Variants in DPYD observed in about 807,000 individuals in gnomAD.
DPYD encodes the protein dihydropyrimidine dehydrogenase.
DPYD carries 109 observed loss-of-function variants against 116.2 expected under a neutral mutation model. That is an observed-to-expected ratio of 0.94 (90% CI 0.80 to 1.10). DPYD has a LOEUF of 1.10. DPYD is among the 50% of genes least tolerant of loss of function. The pLI is 0.00. For synonymous variants in DPYD, 440 were observed against 432.0 expected, an observed-to-expected ratio of 1.02 and a Z score of -0.23; for missense variants, 1,302 against 1,254.5, an observed-to-expected ratio of 1.04 and a Z score of -0.57.
At chr1:97,502,924 C>G (rs2811185) in intron 13 of DPYD, among the ~76,000 whole-genome samples, 27,274 of 151,854 alleles carry the variant, frequency 0.18, 2,621 homozygotes, top group East Asian at 0.26. Context: ...TTTTGTAATT[C>G]AACATGTGGA....
rs1175569999 is a variant in DPYD, at chr1:97,323,373, T to TATGTGTATATGTACACGTATATATACAA, written c.2059-17077_2059-17076insTTGTATATATACGTGTACATATACACAT. On this transcript the variant is annotated intron_variant, in intron 16 of 22. Coordinates refer to ENST00000370192, the MANE Select transcript of DPYD (RefSeq NM_000110.4). ...GTGTATATGTACACGTATGTATACA[T>TATGTGTATATGTACACGTATATATACAA]GTGTATATGTACACGTATGTATACA... Among the ~76,000 whole-genome samples, 34 of 70,582 alleles carry TATGTGTATATGTACACGTATATATACAA rather than the reference T, an allele frequency of 4.8e-4. 6 individuals carry two copies. The South Asian group carries it at 8.8e-3, about 18-fold the overall frequency. 46.3% of individuals were successfully genotyped at this position (70,582 alleles called of 152,430 possible). A position where few individuals can be genotyped will look rare whatever the true frequency, so the allele number is the denominator to read the frequency against.
At chr1:97,574,444 G>A (rs530101226) in intron 10 of DPYD, among the ~76,000 whole-genome samples, 2 of 152,120 alleles carry the variant, frequency 1.3e-5, no homozygotes, top group East Asian at 3.9e-4. Flanking sequence ...TGGTAGGTAG[G>A]AGAAAAAGAC....
intron 3 of DPYD, among the ~76,000 whole-genome samples, chr1:97,799,571 G>T (rs1368589305): frequency 6.6e-6 from 1 of 151,856 alleles, no homozygotes; most frequent in Non-Finnish European, 1.5e-5. Context: ...TTGCTACTCT[G>T]TGATTTGGTC....
intron 1 of DPYD, among the ~76,000 whole-genome samples, chr1:97,907,240 G>A (rs1027397552): frequency 4.6e-5 from 7 of 152,102 alleles, no homozygotes; most frequent in Non-Finnish European, 7.4e-5. Flanking sequence ...AAAATTGGAT[G>A]AAGGGGAACT....
chr1:97,744,830 A>C (rs1297716149), intron 3 of DPYD, among the ~76,000 whole-genome samples: 1 of 152,020 alleles, frequency 6.6e-6, no homozygotes, highest in Non-Finnish European at 1.5e-5. Context: ...AGCAGAATCA[A>C]CTATCAGGTT....
intron 11 of DPYD, among the ~76,000 whole-genome samples, chr1:97,554,612 A>G (rs1651558087): frequency 6.6e-6 from 1 of 152,150 alleles, no homozygotes; most frequent in African/African-American, 2.4e-5. Context: ...TCTCAGCAAG[A>G]TCAAAATAAA....
chr1:97,356,790 G>A (rs576951173), intron 16 of DPYD, among the ~76,000 whole-genome samples: 20 of 152,090 alleles, frequency 1.3e-4, no homozygotes, highest in Non-Finnish European at 2.6e-4. Context: ...TTTTTCCAAT[G>A]GTTATACTTG....
At chr1:97,633,879 C>T (rs573245879) in intron 8 of DPYD, among the ~76,000 whole-genome samples, 5 of 152,120 alleles carry the variant, frequency 3.3e-5, no homozygotes, top group East Asian at 1.9e-4. Context: ...CGTGCAAACT[C>T]GTTTCAGCGT....
intron 20 of DPYD, among the ~76,000 whole-genome samples, chr1:97,161,560 T>A (rs571539110): frequency 2.4e-4 from 36 of 152,152 alleles, no homozygotes; most frequent in South Asian, 4.1e-4. Context: ...AAGTCTTTTT[T>A]AAATTTAATT....
intron 13 of DPYD, among the ~76,000 whole-genome samples, chr1:97,510,362 T>C (rs534111621): frequency 2.0e-5 from 3 of 152,004 alleles, no homozygotes; most frequent in Admixed American, 6.6e-5. Context: ...GGAGATTTTA[T>C]CTACTGTGGT....
intron 13 of DPYD, among the ~76,000 whole-genome samples, chr1:97,480,555 A>G (rs527330323): frequency 1.8e-4 from 28 of 152,390 alleles, no homozygotes; most frequent in African/African-American, 5.8e-4. Flanking sequence ...ATAGCTTAAC[A>G]AGATCAAGGA....
At chr1:97,709,652 G>A (rs1224233299) in intron 5 of DPYD, among the ~76,000 whole-genome samples, 1 of 151,672 alleles carries the variant, frequency 6.6e-6, no homozygotes, top group East Asian at 1.9e-4. Flanking sequence ...GCAGAGAGGA[G>A]CCACAGGATT....
intron 8 of DPYD, among the ~76,000 whole-genome samples, chr1:97,609,922 AC>A (rs1405479782): frequency 6.6e-6 from 1 of 152,004 alleles, no homozygotes; most frequent in Non-Finnish European, 1.5e-5. Flanking sequence ...ACCCACTTAA[AC>A]TTAAATGGCG....
chr1:97,110,428 C>T (rs185792818), intron 20 of DPYD, among the ~76,000 whole-genome samples: 5 of 152,192 alleles, frequency 3.3e-5, no homozygotes, highest in Admixed American at 3.3e-4. Context: ...TCATGGACTC[C>T]ACCTCACGTA....
At chr1:97,589,418 A>G (rs1433708096) in intron 10 of DPYD, among the ~76,000 whole-genome samples, 3 of 152,180 alleles carry the variant, frequency 2.0e-5, no homozygotes, top group African/African-American at 4.8e-5. Context: ...TGATGATTGT[A>G]TAAGTGGCTC....
At chr1:97,242,152 A>G (rs1193984519) in intron 18 of DPYD, among the ~76,000 whole-genome samples, 4 of 131,338 alleles carry the variant, frequency 3.0e-5, no homozygotes, top group African/African-American at 8.6e-5. Flanking sequence ...ATATATATAT[A>G]TATATATATA....
At chr1:97,658,696 T>C (rs1376588942) in intron 8 of DPYD, among the ~76,000 whole-genome samples, 2 of 152,182 alleles carry the variant, frequency 1.3e-5, no homozygotes, top group Non-Finnish European at 2.9e-5. Context: ...TCATCACTTT[T>C]AAATTCATCA....
intron 16 of DPYD, among the ~76,000 whole-genome samples, chr1:97,318,452 T>A (rs147534602): frequency 0.21 from 31,183 of 147,576 alleles, 3,637 homozygotes; most frequent in Non-Finnish European, 0.27. Context: ...TAAAACAGAT[T>A]GTAAACCAAC....
intron 18 of DPYD, among the ~76,000 whole-genome samples, chr1:97,259,249 C>A (rs1015263812): frequency 6.6e-6 from 1 of 152,050 alleles, no homozygotes; most frequent in African/African-American, 2.4e-5. Flanking sequence ...ATGCTGACTA[C>A]TAGAAAGAGT....
Sources: allele counts gnomAD v4.1 joint callset (sites outside exome capture counted in the v4.1 genomes callset), GRCh38; gene constraint gnomAD v4.1.1; transcripts MANE v1.5; gene names NCBI Gene and HGNC (gene_info 2026-07-23, HGNC 2026-07-21).